The following XPR1 variants were observed in gnomAD, a reference collection of about 807,000 sequenced individuals.
XPR1 encodes solute carrier family 53 member 1.
Under a neutral mutation model 87.5 loss-of-function variants are expected in XPR1, and 28 were observed. The observed-to-expected ratio is 0.32, with a 90% CI of 0.24 to 0.44. The LOEUF (loss-of-function observed/expected upper bound fraction) is 0.44. Ranked by LOEUF, XPR1 falls within the 20% of genes least tolerant of loss-of-function variation. The pLI, the probability that XPR1 is intolerant of heterozygous loss-of-function variation, is 1.00. For synonymous variants in XPR1, 300 were observed against 306.1 expected, an observed-to-expected ratio of 0.98 and a Z score of 0.21; for missense variants, 559 against 862.3, an observed-to-expected ratio of 0.65 and a Z score of 4.41.
intron 6 of XPR1, among the ~76,000 whole-genome samples, chr1:180,810,799 GTATATATGTGTATATATATGTA>G (rs1486991062): frequency 1.3e-5 from 2 of 150,010 alleles, no homozygotes; most frequent in Non-Finnish European, 3.0e-5. Flanking sequence ...GTGTATATAT[GTATATATGTGTATATATATGTA>G]TATATATGTG....
At chr1:180,865,149 T>TA (rs937840781) in intron 12 of XPR1, among the ~76,000 whole-genome samples, 1 of 152,012 alleles carries the variant, frequency 6.6e-6, no homozygotes, top group African/African-American at 2.4e-5. Flanking sequence ...GATGAACAAA[T>TA]AAAGGGGAAA....
chr1:180,812,945 G>A (rs541071769), intron 7 of XPR1, among the ~76,000 whole-genome samples: 2 of 151,986 alleles, frequency 1.3e-5, no homozygotes, highest in East Asian at 1.9e-4. Context: ...CACCGCGCCC[G>A]GCCAGCAGCC....
intron 2 of XPR1, among the ~76,000 whole-genome samples, chr1:180,684,193 A>G (rs994028690): frequency 3.3e-5 from 5 of 152,218 alleles, no homozygotes; most frequent in African/African-American, 9.6e-5. Context: ...ATGGCTAGCC[A>G]GTTTTCCCAG....
At chr1:180,789,860 G>T (rs1436051651) in intron 3 of XPR1, among the ~76,000 whole-genome samples, 1 of 152,050 alleles carries the variant, frequency 6.6e-6, no homozygotes, top group East Asian at 1.9e-4. Context: ...CTACCCCAGA[G>T]GCTGCGTAGG....
chr1:180,736,635 A>C (rs984729488), intron 2 of XPR1, among the ~76,000 whole-genome samples: 6 of 152,362 alleles, frequency 3.9e-5, no homozygotes, highest in African/African-American at 1.4e-4. Flanking sequence ...AATGATTTAC[A>C]TACAGTATTT....
chr1:180,664,830 C>T (rs966678481), intron 1 of XPR1, among the ~76,000 whole-genome samples: 1 of 152,100 alleles, frequency 6.6e-6, no homozygotes, highest in Non-Finnish European at 1.5e-5. Flanking sequence ...AAATGGTTTC[C>T]GGATGAAACT....
intron 2 of XPR1, among the ~76,000 whole-genome samples, chr1:180,714,345 C>T (rs1376793415): frequency 4.9e-5 from 6 of 122,486 alleles, no homozygotes; most frequent in African/African-American, 1.3e-4. Context: ...ATATTTTTTC[C>T]CTGTTCTCTC....
intron 7 of XPR1, 24 bp downstream of exon 7, chr1:180,811,512 A>G (rs764757252): frequency 1.9e-6 from 3 of 1,582,580 alleles, no homozygotes; most frequent in African/African-American, 2.7e-5. Flanking sequence ...ATTTTGAATT[A>G]ATTTATTCTT....
chr1:180,645,225 AT>A, intron 1 of XPR1, among the ~76,000 whole-genome samples: 1 of 152,208 alleles, frequency 6.6e-6, no homozygotes, highest in Non-Finnish European at 1.5e-5. Context: ...TTGCGGATCC[AT>A]TCTTTCCCAG....
intron 1 of XPR1, among the ~76,000 whole-genome samples, chr1:180,659,071 TCTTCCTTCCTTC>T (rs1195804590): frequency 6.6e-6 from 1 of 151,560 alleles, no homozygotes; most frequent in South Asian, 2.1e-4. Context: ...CTGTAGCCAG[TCTTCCTTCCTTC>T]CTTCCTTCCT....
chr1:180,806,062 A>G lies in XPR1; in HGVS notation c.448A>G (p.Asn150Asp). Reference protein sequence around the residue: ...LSLILLQNYQNLNFTGFRKIL... With the variant: ...LSLILLQNYQDLNFTGFRKIL... ...TTGTGTTTCTCATTTCTTTCTGTAG[A>G]ATCTGAATTTTACAGGGTTTCGAAA... The change falls in exon 5 of 15, where the codon AAT becomes GAT. Residue 150 changes from asparagine to aspartate, a missense_variant and splice_region_variant. Physicochemically the swap from Asn to Asp is conservative, Grantham distance 23. This residue lies in a region of XPR1 where 159 missense variants were observed against 263.3 expected (regional missense o/e 0.60). Transcript: ENST00000367590. The G allele has an allele frequency of 6.2e-7, 1 of 1,611,910 alleles. No individual in the cohort carries two copies.
intron 3 of XPR1, among the ~76,000 whole-genome samples, chr1:180,794,161 A>G (rs1465356817): frequency 6.6e-6 from 1 of 152,234 alleles, no homozygotes; most frequent in Non-Finnish European, 1.5e-5. Flanking sequence ...CCTAGATGGT[A>G]TATCCTATTA....
intron 1 of XPR1, among the ~76,000 whole-genome samples, chr1:180,656,098 C>T (rs1655457364): frequency 6.6e-6 from 1 of 151,030 alleles, no homozygotes; most frequent in African/African-American, 2.4e-5. Context: ...ATCTGCCCCC[C>T]AATACCCTTC....
chr1:180,768,493 G>C (rs1648377825), intron 2 of XPR1, among the ~76,000 whole-genome samples: 1 of 152,228 alleles, frequency 6.6e-6, no homozygotes, highest in South Asian at 2.1e-4. Flanking sequence ...GTAATTCTCT[G>C]TGACTGTGAG....
In XPR1 at chr1:180,836,616, T is replaced by C. The variant is rs769070492; in HGVS notation, c.1401T>C (p.Tyr467=). 6.3e-5 allele frequency: 102 copies of C among 1,614,076 alleles called. No homozygotes were observed. Among genetic ancestry groups the C allele is most frequent in the Non-Finnish European group, 4.4e-5 (52 of 1,180,040 alleles). ...WLRFIQCLRR[Y]RDTKRAFPHL... The stretch of plus-strand genomic sequence containing the variant: ...GCTTCATCCAGTGCCTGCGCCGATA[T>C]CGAGACACAAAAAGGGCCTTTCCTC... Residue 467 remains tyrosine, a synonymous_variant, in exon 11 of 15, where the codon TAT becomes TAC. Transcript: ENST00000367590.
chr1:180,647,463 G>A (rs903330744), intron 1 of XPR1, among the ~76,000 whole-genome samples: 3 of 152,188 alleles, frequency 2.0e-5, no homozygotes, highest in Non-Finnish European at 2.9e-5. Context: ...TGACCAAAAC[G>A]TCGTTATGCT....
chr1:180,790,020 C>G (rs934348470), intron 3 of XPR1, among the ~76,000 whole-genome samples: 3 of 152,064 alleles, frequency 2.0e-5, no homozygotes, highest in African/African-American at 7.2e-5. Flanking sequence ...ATTCTCTAAC[C>G]CCACCATCTT....
At chr1:180,716,041 A>AGG (rs1350652044) in intron 2 of XPR1, among the ~76,000 whole-genome samples, 1 of 152,176 alleles carries the variant, frequency 6.6e-6, no homozygotes, top group Non-Finnish European at 1.5e-5. Flanking sequence ...GTAGCCATCA[A>AGG]GGGAGTGGAC....
Position 180,780,998 on chromosome 1 carries a change from A to G in XPR1, c.122-6755A>G, listed in dbSNP as rs1475595069. On this transcript the variant is annotated intron_variant, in intron 2 of 14. Coordinates refer to ENST00000367590, the MANE Select transcript of XPR1 (RefSeq NM_004736.4). ...TGTTTGGTGTCATATCTAAGAAACC[A>G]TTGCCCCATCTGAGGTCAGGAAGAT... Among the ~76,000 whole-genome samples, 3 of 151,926 alleles carry G rather than the reference A, an allele frequency of 2.0e-5. 1 individual carries two copies. The South Asian group carries it at 6.2e-4, about 32-fold the overall frequency.
Sources: allele counts gnomAD v4.1 joint callset (sites outside exome capture counted in the v4.1 genomes callset), GRCh38; gene constraint gnomAD v4.1.1; regional missense constraint gnomAD v4.1.1; transcripts MANE v1.5; gene names NCBI Gene and HGNC (gene_info 2026-07-23, HGNC 2026-07-21).